The following GLT8D2 variants were observed in gnomAD, a reference collection of about 807,000 sequenced individuals.
The protein encoded by GLT8D2 is glycosyltransferase 8 domain-containing protein 2.
Under a neutral mutation model 44.5 loss-of-function variants are expected in GLT8D2, and 45 were observed. That is an observed-to-expected ratio of 1.01 (90% CI 0.80 to 1.30). The LOEUF (loss-of-function observed/expected upper bound fraction) is 1.30, where lower values mean the gene tolerates loss of function less well. GLT8D2 is among the 50% of genes most tolerant of loss of function. The probability of loss-of-function intolerance (pLI) is 0.00; values close to 1 mark genes in which losing one functional copy is unlikely to be tolerated. For missense variants in GLT8D2, 400 were observed against 430.4 expected, an observed-to-expected ratio of 0.93 and a Z score of 0.62; for synonymous variants, 156 against 157.2, an observed-to-expected ratio of 0.99 and a Z score of 0.06.
At chr12:104,048,306 G>A (rs1350362305) in intron 1 of GLT8D2, among the ~76,000 whole-genome samples, 2 of 152,188 alleles carry the variant, frequency 1.3e-5, no homozygotes, top group Admixed American at 6.5e-5. Flanking sequence ...AACTGTTTGG[G>A]AATCATTGCG....
At chr12:104,040,996 G>A (rs1880486714) in intron 1 of GLT8D2, among the ~76,000 whole-genome samples, 1 of 152,156 alleles carries the variant, frequency 6.6e-6, no homozygotes, top group African/African-American at 2.4e-5. Context: ...GCTGGGCACG[G>A]TGGCTCACGC....
intron 1 of GLT8D2, 34 bp from the exon 2 acceptor site, chr12:104,021,525 G>A (rs1877626171): frequency 6.6e-6 from 1 of 152,318 alleles, no homozygotes; most frequent in Admixed American, 6.6e-5. Flanking sequence ...TACTGGGCGT[G>A]GTGGCTCACT....
intron 1 of GLT8D2, among the ~76,000 whole-genome samples, chr12:104,033,706 C>T (rs567058584): frequency 7.2e-5 from 11 of 151,942 alleles, no homozygotes; most frequent in African/African-American, 2.2e-4. Flanking sequence ...TGTTAATTAG[C>T]TTGATTGTGG....
At chr12:104,048,104 A>G (rs1881357002) in intron 1 of GLT8D2, among the ~76,000 whole-genome samples, 1 of 152,216 alleles carries the variant, frequency 6.6e-6, no homozygotes, top group Admixed American at 6.5e-5. Flanking sequence ...AGTACAACAC[A>G]CATGATAATC....
chr12:104,050,422 T>A (rs999359868), upstream of GLT8D2: 3 of 152,358 alleles, frequency 2.0e-5, no homozygotes, highest in African/African-American at 7.2e-5. Context: ...AGAATCTTCA[T>A]GGCCACTAGC....
intron 1 of GLT8D2, among the ~76,000 whole-genome samples, chr12:104,061,349 A>G (rs1439382183): frequency 6.6e-6 from 1 of 152,188 alleles, no homozygotes; most frequent in Non-Finnish European, 1.5e-5. Flanking sequence ...TTAAATTTGA[A>G]GTTCAACATT....
intron 1 of GLT8D2, among the ~76,000 whole-genome samples, chr12:104,025,523 AG>A (rs1878474016): frequency 1.3e-5 from 2 of 152,068 alleles, no homozygotes; most frequent in Admixed American, 6.6e-5. Flanking sequence ...TTTCTTTTAT[AG>A]ATCATGCTTT....
In GLT8D2 at chr12:104,030,907, G is replaced by C. The variant is rs1432150478; in HGVS notation, c.-163-9416C>G. ...ACGAGGAGGCGAAGCGCGGCGGGCAGGCGCTACGAGATGCTGGCTATGAGT... is the reference window on the plus strand; with the variant it reads ...ACGAGGAGGCGAAGCGCGGCGGGCACGCGCTACGAGATGCTGGCTATGAGT... On this transcript the variant is annotated intron_variant, in intron 1 of 10. Transcript: ENST00000360814. 1.4e-5 allele frequency: 21 copies of C among 1,531,628 alleles called. No homozygotes were observed. In the African/African-American group the frequency reaches 1.9e-4, roughly 14 times the overall value. The allele number at this position is 1,531,628 out of a possible 1,614,324, so 94.9% of individuals were successfully genotyped here. A position where few individuals can be genotyped will look rare whatever the true frequency, so the allele number is the denominator to read the frequency against.
chr12:103,993,238 G>A (rs546851580), intron 10 of GLT8D2, among the ~76,000 whole-genome samples, 154 bp downstream of exon 10: 1 of 152,330 alleles, frequency 6.6e-6, no homozygotes, highest in African/African-American at 2.4e-5. Flanking sequence ...TGCTGAGGCA[G>A]GTGAATTGCT....
chr12:104,036,206 A>T (rs1020384446), intron 1 of GLT8D2, among the ~76,000 whole-genome samples: 2 of 152,238 alleles, frequency 1.3e-5, no homozygotes, highest in Non-Finnish European at 2.9e-5. Context: ...CTGCAAAAAC[A>T]TGCCAAATTG....
chr12:104,005,017 C>T (rs1293483905), intron 4 of GLT8D2, among the ~76,000 whole-genome samples: 1 of 152,210 alleles, frequency 6.6e-6, no homozygotes, highest in African/African-American at 2.4e-5. Flanking sequence ...TAGCATGGTA[C>T]TGGTACCAAA....
intron 1 of GLT8D2, among the ~76,000 whole-genome samples, chr12:104,044,611 C>T (rs1366545295): frequency 6.6e-6 from 1 of 152,234 alleles, no homozygotes; most frequent in African/African-American, 2.4e-5. Context: ...ATTCCTCCTT[C>T]AATCACCGAG....
In GLT8D2 at chr12:104,031,668, G is replaced by A. The variant is rs1879276696; in HGVS notation, c.-163-10177C>T. On this transcript the variant is annotated intron_variant, in intron 1 of 10. Coordinates refer to ENST00000360814, the MANE Select transcript of GLT8D2 (RefSeq NM_001384711.1). Reference sequence around the variant, plus strand: ...ACATCTTGAGTTGTAGCTGCAGATGGGGACCAGTGGCTCCCATTTTCATTT... The same window carrying A: ...ACATCTTGAGTTGTAGCTGCAGATGAGGACCAGTGGCTCCCATTTTCATTT... 4 of 738,194 alleles carry A rather than the reference G, an allele frequency of 5.4e-6. No individual in the cohort carries two copies. In the South Asian group the frequency reaches 7.2e-5, roughly 13 times the overall value. 45.7% of individuals were successfully genotyped at this position (738,194 alleles called of 1,614,324 possible). A position where few individuals can be genotyped will look rare whatever the true frequency, so the allele number is the denominator to read the frequency against.
At chr12:104,014,740 C>T (rs1876330778) in intron 4 of GLT8D2, among the ~76,000 whole-genome samples, 1 of 152,204 alleles carries the variant, frequency 6.6e-6, no homozygotes, top group Non-Finnish European at 1.5e-5. Context: ...GGCCCCACAC[C>T]ATACCTACTG....
At chr12:104,028,946 A>G (rs1169879007) in intron 1 of GLT8D2, among the ~76,000 whole-genome samples, 1 of 152,180 alleles carries the variant, frequency 6.6e-6, no homozygotes, top group Non-Finnish European at 1.5e-5. Context: ...AAGGAAAAAA[A>G]AAAACCACGT....
intron 2 of GLT8D2, 116 bp downstream of exon 2, chr12:104,021,241 G>A (rs1357723951): frequency 6.6e-6 from 1 of 152,250 alleles, no homozygotes; most frequent in Non-Finnish European, 1.5e-5. Flanking sequence ...GGATGGCTAG[G>A]TGAGAGCAGG....
intron 1 of GLT8D2, among the ~76,000 whole-genome samples, chr12:104,045,919 G>GA (rs1344692987): frequency 2.2e-5 from 3 of 134,384 alleles, no homozygotes; most frequent in Non-Finnish European, 4.9e-5. Flanking sequence ...AAGAAAGAAA[G>GA]AAAGAAAGAA....
At chr12:104,059,462 G>A (rs183297647) in intron 1 of GLT8D2, among the ~76,000 whole-genome samples, 135 of 152,262 alleles carry the variant, frequency 8.9e-4, no homozygotes, top group Middle Eastern at 6.8e-3. Context: ...CCAGACAGCA[G>A]GAAAGAGTAA....
At chr12:104,055,805 C>T (rs2136540055) in intron 1 of GLT8D2, among the ~76,000 whole-genome samples, 1 of 152,344 alleles carries the variant, frequency 6.6e-6, no homozygotes, top group East Asian at 1.9e-4. Flanking sequence ...TGTAGTAGTA[C>T]ATGAATTACC....
Sources: gnomAD v4.1 joint callset for allele counts (sites outside exome capture counted in the v4.1 genomes callset) on GRCh38, gnomAD v4.1.1 for gene constraint, MANE v1.5 for transcripts, NCBI Gene and HGNC (gene_info 2026-07-23, HGNC 2026-07-21) for gene names.